RASEF: variants seen among roughly 807,000 people sequenced by gnomAD.
The protein encoded by RASEF is RAS and EF-hand domain containing.
Under a neutral mutation model 90.1 loss-of-function variants are expected in RASEF, and 68 were observed. That is an observed-to-expected ratio of 0.75 (90% CI 0.62 to 0.92). The LOEUF is 0.92. Among genes scored for constraint, RASEF ranks in the 40% least tolerant of loss-of-function variants. The pLI is 0.00. For missense variants in RASEF, 949 were observed against 937.2 expected (o/e 1.01, Z -0.16); for synonymous variants, 331 against 345.2 (o/e 0.96, Z 0.46).
intron 1 of RASEF, among the ~76,000 whole-genome samples, chr9:83,035,992 G>C (rs1392727292): frequency 1.3e-5 from 2 of 152,166 alleles, no homozygotes; most frequent in East Asian, 1.9e-4. Context: ...ATTAACAGTT[G>C]CATTAAAACA....
At chr9:83,041,295 TTA>T (rs1356096313) in intron 1 of RASEF, among the ~76,000 whole-genome samples, 1 of 152,238 alleles carries the variant, frequency 6.6e-6, no homozygotes, top group Non-Finnish European at 1.5e-5. Context: ...TATTATTTGT[TTA>T]GTGTCCCAAA....
the RASEF span, among the ~76,000 whole-genome samples, chr9:83,153,503 C>G: frequency 2.0e-5 from 3 of 152,330 alleles, no homozygotes; most frequent in South Asian, 6.2e-4. Flanking sequence ...AGATCTACAT[C>G]AATAGAAAGT....
chr9:82,989,229 CGT>C (rs56871037), intron 16 of RASEF, among the ~76,000 whole-genome samples: 1 of 151,274 alleles, frequency 6.6e-6, no homozygotes, highest in African/African-American at 2.4e-5. Flanking sequence ...TGCATGTGTG[CGT>C]GTGTGTGTGT....
At chr9:83,048,705 T>G (rs1829978313) in intron 1 of RASEF, 1 of 985,256 alleles carries the variant, frequency 1.0e-6, no homozygotes, top group Non-Finnish European at 1.2e-6. Flanking sequence ...TGCCCTCAAT[T>G]TAAATGACAG....
At chr9:83,088,927 T>C in the RASEF span, among the ~76,000 whole-genome samples, 3 of 152,070 alleles carry the variant, frequency 2.0e-5, no homozygotes, top group South Asian at 6.2e-4. Context: ...AGTTAATTAC[T>C]GATAGATAGA....
At chr9:82,995,031 G>C (rs1828888908) in intron 14 of RASEF, among the ~76,000 whole-genome samples, 1 of 152,210 alleles carries the variant, frequency 6.6e-6, no homozygotes, top group Admixed American at 6.5e-5. Flanking sequence ...TTTCTAAGGT[G>C]AAAGTCAAAT....
chr9:83,198,224 G>A, the RASEF span, among the ~76,000 whole-genome samples: 2 of 152,036 alleles, frequency 1.3e-5, no homozygotes, highest in African/African-American at 2.4e-5. Flanking sequence ...AAATAAGAAG[G>A]CACCTGAAAA....
At chr9:83,104,590 G>A in the RASEF span, among the ~76,000 whole-genome samples, 1,225 of 152,160 alleles carry the variant, frequency 8.1e-3, 17 homozygotes, top group African/African-American at 0.028. Context: ...GGTGGTATCC[G>A]TCCATCTGAA....
chr9:83,018,346 G>A (rs902014487), intron 3 of RASEF, among the ~76,000 whole-genome samples: 58 of 152,074 alleles, frequency 3.8e-4, no homozygotes, highest in African/African-American at 1.4e-3. Context: ...ATCAGAAATT[G>A]AAATTTTTAG....
At chr9:83,019,961 A>G (rs1395556499) in intron 3 of RASEF, among the ~76,000 whole-genome samples, 3 of 152,232 alleles carry the variant, frequency 2.0e-5, no homozygotes, top group South Asian at 2.1e-4. Context: ...TTCAAGGGGC[A>G]TGAAGAAACT....
At chr9:83,094,910 C>T in the RASEF span, among the ~76,000 whole-genome samples, 1 of 152,112 alleles carries the variant, frequency 6.6e-6, no homozygotes, top group Non-Finnish European at 1.5e-5. Context: ...TTCTACTTTA[C>T]TCAATAATAA....
At chr9:83,043,397 T>TAGG (rs1564086853) in intron 1 of RASEF, among the ~76,000 whole-genome samples, 1 of 119,410 alleles carries the variant, frequency 8.4e-6, no homozygotes, top group African/African-American at 2.9e-5. Flanking sequence ...CTGCAGTGAT[T>TAGG]GGGGGGGGGG....
chr9:83,101,126 C>T, the RASEF span, among the ~76,000 whole-genome samples: 6 of 152,154 alleles, frequency 3.9e-5, no homozygotes, highest in South Asian at 2.1e-4. Flanking sequence ...CATTACTTCA[C>T]GATGACATGA....
the RASEF span, among the ~76,000 whole-genome samples, chr9:83,151,304 T>C: frequency 6.6e-6 from 1 of 152,152 alleles, no homozygotes; most frequent in African/African-American, 2.4e-5. Flanking sequence ...ATGTGGAGAA[T>C]GAATTGAAAG....
chr9:83,134,935 T>C, the RASEF span, among the ~76,000 whole-genome samples: 1 of 152,138 alleles, frequency 6.6e-6, no homozygotes, highest in Non-Finnish European at 1.5e-5. Flanking sequence ...TGATGCATGC[T>C]ACAGTATGGA....
chr9:83,191,937 T>C, the RASEF span, among the ~76,000 whole-genome samples: 6 of 152,134 alleles, frequency 3.9e-5, no homozygotes, highest in Admixed American at 3.3e-4. Flanking sequence ...CCAAGAAGCA[T>C]ATTTTAAAAA....
At chr9:83,058,780 C>G (rs1248882025) in intron 1 of RASEF, among the ~76,000 whole-genome samples, 2 of 152,186 alleles carry the variant, frequency 1.3e-5, no homozygotes, top group Non-Finnish European at 2.9e-5. Context: ...GCCGTTTTGC[C>G]AATCTCTATA....
At chr9:83,212,152 G>T in the RASEF span, among the ~76,000 whole-genome samples, 8 of 152,118 alleles carry the variant, frequency 5.3e-5, no homozygotes, top group African/African-American at 1.7e-4. Context: ...AATAACAGTA[G>T]CTGTTAACAC....
chr9:83,087,165 G>T, the RASEF span, among the ~76,000 whole-genome samples: 1 of 152,184 alleles, frequency 6.6e-6, no homozygotes, highest in Admixed American at 6.5e-5. Flanking sequence ...CTAGATTATA[G>T]GGAGGAATGG....
Sources: gnomAD v4.1 joint callset for allele counts (sites outside exome capture counted in the v4.1 genomes callset) on GRCh38, gnomAD v4.1.1 for gene constraint, MANE v1.5 for transcripts, NCBI Gene and HGNC (gene_info 2026-07-23, HGNC 2026-07-21) for gene names.